GRM1: variants seen among roughly 807,000 people sequenced by gnomAD.
GRM1 encodes the protein glutamate metabotropic receptor 1.
A neutral mutation model predicts 90.9 loss-of-function variants in GRM1; 33 were observed. That is an observed-to-expected ratio of 0.36 (90% CI 0.28 to 0.49). The LOEUF (loss-of-function observed/expected upper bound fraction) is 0.49. Ranked by LOEUF, GRM1 falls within the 20% of genes least tolerant of loss-of-function variation. The pLI, the probability that GRM1 is intolerant of heterozygous loss-of-function variation, is 0.99. For synonymous variants in GRM1, 700 were observed against 613.2 expected, an observed-to-expected ratio of 1.14 and a Z score of -2.09; for missense variants, 1,190 against 1,534.3, an observed-to-expected ratio of 0.78 and a Z score of 3.75.
At chr6:146,037,722 C>T (rs1217132436) in intron 1 of GRM1, among the ~76,000 whole-genome samples, 1 of 152,024 alleles carries the variant, frequency 6.6e-6, no homozygotes, top group Non-Finnish European at 1.5e-5. Flanking sequence ...GCTCATTGAT[C>T]TCAGCTCTGT....
At chr6:146,253,689 C>T (rs1238241664) in intron 2 of GRM1, among the ~76,000 whole-genome samples, 3 of 152,230 alleles carry the variant, frequency 2.0e-5, no homozygotes, top group Middle Eastern at 3.4e-3. Flanking sequence ...TGTAAAATCT[C>T]GACTCCTGAA....
intron 2 of GRM1, among the ~76,000 whole-genome samples, chr6:146,170,878 A>G (rs1778093585): frequency 6.6e-6 from 1 of 152,022 alleles, no homozygotes; most frequent in Non-Finnish European, 1.5e-5. Flanking sequence ...AATTTTGTTA[A>G]TATGTTATAA....
intron 5 of GRM1, among the ~76,000 whole-genome samples, chr6:146,385,970 A>G (rs1277679226): frequency 1.3e-5 from 2 of 152,104 alleles, no homozygotes; most frequent in Non-Finnish European, 2.9e-5. Flanking sequence ...CAGATAAAAT[A>G]GAATGCTAAA....
intron 3 of GRM1, among the ~76,000 whole-genome samples, chr6:146,341,057 C>A (rs1278936318): frequency 6.6e-6 from 1 of 152,184 alleles, no homozygotes; most frequent in Non-Finnish European, 1.5e-5. Flanking sequence ...TGCTGTACTA[C>A]CACTGCATTT....
At chr6:146,238,526 A>G (rs1337055493) in intron 2 of GRM1, among the ~76,000 whole-genome samples, 1 of 152,136 alleles carries the variant, frequency 6.6e-6, no homozygotes, top group Non-Finnish European at 1.5e-5. Flanking sequence ...TTTTTTAGAA[A>G]TGAAGAAAAA....
At chr6:146,276,534 T>C (rs1039426249) in intron 2 of GRM1, among the ~76,000 whole-genome samples, 1 of 152,122 alleles carries the variant, frequency 6.6e-6, no homozygotes, top group African/African-American at 2.4e-5. Context: ...GCATGAATGG[T>C]TTTATTCAAG....
At chr6:146,347,621 A>T (rs1271215768) in intron 3 of GRM1, among the ~76,000 whole-genome samples, 6 of 152,212 alleles carry the variant, frequency 3.9e-5, no homozygotes, top group Admixed American at 3.9e-4. Context: ...TGGATTCTGC[A>T]CACTGAAAGA....
intron 2 of GRM1, among the ~76,000 whole-genome samples, chr6:146,268,381 C>G (rs1272629599): frequency 6.6e-6 from 1 of 152,134 alleles, no homozygotes; most frequent in Non-Finnish European, 1.5e-5. Flanking sequence ...TTTCTTAATT[C>G]CTGGTGCTGT....
At chr6:146,411,635 G>A (rs1405901574) in intron 7 of GRM1, among the ~76,000 whole-genome samples, 1 of 152,166 alleles carries the variant, frequency 6.6e-6, no homozygotes, top group East Asian at 1.9e-4. Flanking sequence ...GAGGAGACTG[G>A]TACAGGGTCC....
chr6:146,216,254 T>G (rs1779867796), intron 2 of GRM1, among the ~76,000 whole-genome samples: 1 of 152,210 alleles, frequency 6.6e-6, no homozygotes, highest in African/African-American at 2.4e-5. Context: ...AGGTAAATGT[T>G]ATCAACTGTA....
rs1777338083 is a variant in GRM1 at position 146,151,599 on chromosome 6, G to A, written c.701-7749G>A. The stretch of plus-strand genomic sequence containing the variant: ...AACACAATCTGTTTCATGGGTCAAT[G>A]AAACTTAGCCACTAAGTCACTATAA... On this transcript the variant is annotated intron_variant, in intron 1 of 7. Transcript: ENST00000282753. Among the ~76,000 whole-genome samples, 4 of 152,274 alleles carry A rather than the reference G, an allele frequency of 2.6e-5. No individual in the cohort carries two copies. In the South Asian group the frequency reaches 8.3e-4, roughly 32 times the overall value.
At chr6:146,125,475 A>T (rs747054297) in intron 1 of GRM1, among the ~76,000 whole-genome samples, 12 of 140,816 alleles carry the variant, frequency 8.5e-5, no homozygotes, top group Non-Finnish European at 1.7e-4. Context: ...CCCCCCCTCA[A>T]CTTTCTCTCA....
At chr6:146,372,771 G>A (rs1775950374) in intron 5 of GRM1, among the ~76,000 whole-genome samples, 1 of 152,010 alleles carries the variant, frequency 6.6e-6, no homozygotes, top group Non-Finnish European at 1.5e-5. Flanking sequence ...GTTTACTGCA[G>A]GTGTGTGGAT....
chr6:146,175,676 T>C (rs1778314021), intron 2 of GRM1, among the ~76,000 whole-genome samples: 1 of 151,982 alleles, frequency 6.6e-6, no homozygotes, highest in South Asian at 2.1e-4. Flanking sequence ...CTCCTCTGGG[T>C]CATTGGAAGT....
chr6:146,035,422 T>C (rs1345436415), intron 1 of GRM1, among the ~76,000 whole-genome samples: 4 of 152,054 alleles, frequency 2.6e-5, no homozygotes, highest in Admixed American at 6.6e-5. Context: ...CGAGATACTT[T>C]ATTTGTAATT....
chr6:146,338,230 G>A (rs1784844964), intron 3 of GRM1, among the ~76,000 whole-genome samples: 2 of 152,116 alleles, frequency 1.3e-5, no homozygotes, highest in African/African-American at 4.8e-5. Flanking sequence ...CATTTTACTG[G>A]GCTATGGCAG....
At chr6:146,168,540 T>TA (rs1396878625) in intron 2 of GRM1, among the ~76,000 whole-genome samples, 1 of 152,070 alleles carries the variant, frequency 6.6e-6, no homozygotes, top group Non-Finnish European at 1.5e-5. Context: ...AAAAACTATT[T>TA]ATGACCTTCT....
chr6:146,263,869 T>C (rs1781783322), intron 2 of GRM1, among the ~76,000 whole-genome samples: 1 of 152,128 alleles, frequency 6.6e-6, no homozygotes, highest in South Asian at 2.1e-4. Flanking sequence ...CACTTTTTGC[T>C]GTAATGACAT....
rs573090459 is a variant in GRM1, at chr6:146,333,355, CT to C, written c.1187-18886del. 2.4e-3 allele frequency among the ~76,000 whole-genome samples: 360 copies of C among 151,622 alleles called. 3 individuals carry two copies. Among genetic ancestry groups the C allele is most frequent in the African/African-American group, 7.1e-3 (294 of 41,344 alleles). ...AAGCCTACATCCTCAGGTGTTGATT[CT>C]TTTTTTTTCCCCCTAGTATTTACTT... On this transcript the variant is annotated intron_variant, in intron 3 of 7. Transcript: ENST00000282753.
Sources: allele counts gnomAD v4.1 joint callset (sites outside exome capture counted in the v4.1 genomes callset), GRCh38; gene constraint gnomAD v4.1.1; transcripts MANE v1.5; gene names NCBI Gene and HGNC (gene_info 2026-07-23, HGNC 2026-07-21).